Variants in CASKIN1 observed in about 807,000 individuals in gnomAD.
CASKIN1 encodes the protein caskin-1.
CASKIN1 carries 42 observed loss-of-function variants against 117.5 expected under a neutral mutation model. The observed-to-expected ratio is 0.36, with a 90% CI of 0.28 to 0.46. The LOEUF (loss-of-function observed/expected upper bound fraction) is 0.46, where lower values mean the gene tolerates loss of function less well. Ranked by LOEUF, CASKIN1 falls within the 20% of genes least tolerant of loss-of-function variation. The probability of loss-of-function intolerance (pLI) is 1.00; values close to 1 mark genes in which losing one functional copy is unlikely to be tolerated. For missense variants in CASKIN1, 2,083 were observed against 2,077.3 expected, an observed-to-expected ratio of 1.00 and a Z score of -0.05; for synonymous variants, 1,148 against 961.7, an observed-to-expected ratio of 1.19 and a Z score of -3.59.
chr16:2,179,841 G>A lies in CASKIN1; in HGVS notation c.3527C>T (p.Thr1176Ile). ...CTCCGAGGCCGGTCGGCGGCGCACG[G>A]TGCCAGTGCCATTATGGTACACGGA... is the stretch of plus-strand genomic sequence containing the variant. ...PLSVYHNGTG[T>I]VRRRPASEQA... The change falls in exon 18 of 20, where the codon ACC becomes ATC. Residue 1176 changes from threonine to isoleucine, a missense_variant. Thr to Ile is a moderately conservative substitution (Grantham distance 89, BLOSUM62 -1). Around this residue, in one of 3 missense-constraint regions of CASKIN1, gnomAD observed 1,818 missense variants for 1,688.9 expected, o/e 1.08. Coordinates refer to ENST00000343516, the MANE Select transcript of CASKIN1 (RefSeq NM_020764.4). This position sits in a 1 kb window ranked among gnomAD's most constrained non-coding sequence, Gnocchi z 5.8. 1.2e-6 allele frequency: 2 copies of A among 1,603,448 alleles called. No individual in the cohort carries two copies. Among genetic ancestry groups the A allele is most frequent in the East Asian group, 2.3e-5 (1 of 44,372 alleles).
rs980862518 is a variant in CASKIN1, at chr16:2,193,303, C to A, written c.95-2945G>T. On this transcript the variant is annotated intron_variant, in intron 1 of 19. Coordinates refer to ENST00000343516, the MANE Select transcript of CASKIN1 (RefSeq NM_020764.4). The stretch of plus-strand genomic sequence containing the variant: ...AAGTGCTGGGATGACAGGCATGAGC[C>A]ACCATGCCCGGCCTGAAATTCTTAT... Among the ~76,000 whole-genome samples the A allele has an allele frequency of 3.9e-5, 6 of 152,340 alleles. No individual in the cohort carries two copies. The East Asian group carries it at 1.2e-3, about 29-fold the overall frequency.
Position 2,196,295 on chromosome 16 carries a change from G to GGCCCCCGGGGCTCCCACCCGCGCCCC in CASKIN1, c.94+18_94+43dup. 3 of 971,304 alleles carry GGCCCCCGGGGCTCCCACCCGCGCCCC rather than the reference G, an allele frequency of 3.1e-6. No homozygotes were observed. Among genetic ancestry groups the GGCCCCCGGGGCTCCCACCCGCGCCCC allele is most frequent in the Non-Finnish European group, 3.9e-6 (3 of 776,480 alleles). The allele number at this position is 971,304 out of a possible 1,614,324, so 60.2% of individuals were successfully genotyped here. ...GGTGGGGGGCTCCGCGCCGGGGAGGGGCCCCCGGGGCTCCCACCCGCGCCC... is the reference window on the plus strand; with the variant it reads ...GGTGGGGGGCTCCGCGCCGGGGAGGGGCCCCCGGGGCTCCCACCCGCGCCCCGCCCCCGGGGCTCCCACCCGCGCCC... On this transcript the variant is annotated intron_variant, in intron 1 of 19. Coordinates refer to ENST00000343516, the MANE Select transcript of CASKIN1 (RefSeq NM_020764.4). This position sits in a 1 kb window ranked among gnomAD's most constrained non-coding sequence, Gnocchi z 5.7.
In CASKIN1 at chr16:2,189,406, G is replaced by A. The variant is rs767969474; in HGVS notation, c.390+13C>T. 2.6e-5 allele frequency: 42 copies of A among 1,610,248 alleles called. 2 individuals carry two copies. Among genetic ancestry groups the A allele is most frequent in the African/African-American group, 1.7e-4 (13 of 74,790 alleles). On this transcript the variant is annotated intron_variant, in intron 4 of 19. Coordinates refer to ENST00000343516, the MANE Select transcript of CASKIN1 (RefSeq NM_020764.4). ...GCCCCGCCCCCGCTGCCCCGCCCCC[G>A]CTCGGGCCTCACCACATCATAGTGA...
chr16:2,190,295 C>T lies in CASKIN1; in HGVS notation c.146+12G>A. The T allele has an allele frequency of 6.3e-7, 1 of 1,576,408 alleles. No homozygotes were observed. The highest frequency in any genetic ancestry group is 1.1e-5 in the South Asian group (1 of 87,042). ...TCCCTTCCAGGCAGGCACCACCCGGCTCAGAACTCACCCATCCGGGTCCTG... is the reference window on the plus strand; with the variant it reads ...TCCCTTCCAGGCAGGCACCACCCGGTTCAGAACTCACCCATCCGGGTCCTG... On this transcript the variant is annotated intron_variant, in intron 2 of 19. Transcript: ENST00000343516.
At chr16:2,192,896 G>C (rs372301187) in intron 1 of CASKIN1, among the ~76,000 whole-genome samples, 1 of 152,208 alleles carries the variant, frequency 6.6e-6, no homozygotes, top group East Asian at 1.9e-4. Context: ...GGACTGGATC[G>C]ATCTCCTCAT....
chr16:2,196,073 G>A lies in CASKIN1; in HGVS notation c.94+266C>T, dbSNP rs539962438. ...AGGGGGACAGAGGTAGAGAGAGAGG[G>A]ATGCGAACGCCCGCGGCCCGGGAGG... On this transcript the variant is annotated intron_variant, in intron 1 of 19. Coordinates refer to ENST00000343516, the MANE Select transcript of CASKIN1 (RefSeq NM_020764.4). This position sits in a 1 kb window ranked among gnomAD's most constrained non-coding sequence, Gnocchi z 5.7. Among the ~76,000 whole-genome samples the A allele has an allele frequency of 5.9e-5, 9 of 152,234 alleles. No homozygotes were observed. In the East Asian group the frequency reaches 1.7e-3, roughly 30 times the overall value.
At position 2,179,108 on chromosome 16, in the gene CASKIN1, G is replaced by T; in HGVS notation, c.3993C>A (p.Pro1331=). The change falls in exon 19 of 20, where the codon CCC becomes CCA. Residue 1331 remains proline, a synonymous_variant. Coordinates refer to ENST00000343516, the MANE Select transcript of CASKIN1 (RefSeq NM_020764.4). The surrounding 1 kb of genome is among the most constrained non-coding windows in gnomAD (Gnocchi z 5.8). ...CGGGCACGTGCAGCGCGGGCGCGCC[G>T]GGGGACGGGGGCTTGGCGGGGCTGG... ...LGASPAKPPS[P]GAPALHVPAK... 1.0e-6 allele frequency: 1 copy of T among 995,900 alleles called. No homozygotes were observed. Among genetic ancestry groups the T allele is most frequent in the South Asian group, 4.5e-5 (1 of 22,200 alleles). The allele number at this position is 995,900 out of a possible 1,614,324, so 61.7% of individuals were successfully genotyped here.
chr16:2,191,621 C>G (rs904269209), intron 1 of CASKIN1, among the ~76,000 whole-genome samples: 2 of 152,234 alleles, frequency 1.3e-5, no homozygotes, highest in Non-Finnish European at 2.9e-5. Context: ...CTCTCTCCAG[C>G]CAGGGGTTTC....
chr16:2,179,946 A>G lies in CASKIN1; in HGVS notation c.3422T>C (p.Ile1141Thr). The G allele has an allele frequency of 1.2e-6, 2 of 1,606,646 alleles. No individual in the cohort carries two copies. Among genetic ancestry groups the G allele is most frequent in the Non-Finnish European group, 1.7e-6 (2 of 1,177,232 alleles). ...KQNQQENVKF[I>T]LTESDTVKRR... ...CTTGACCGTGTCAGACTCGGTCAGG[A>G]TGAACTTGACGTTCTCCTGCTGGTT... The change falls in exon 18 of 20, where the codon ATC (isoleucine) becomes ACC (threonine). Residue 1141 changes from isoleucine (I) to threonine (T), a missense_variant. Transcript: ENST00000343516. This position sits in a 1 kb window ranked among gnomAD's most constrained non-coding sequence, Gnocchi z 5.8.
At position 2,185,326 on chromosome 16, in the gene CASKIN1, C is replaced by A; in HGVS notation, c.1131G>T (p.Val377=). 4 of 1,601,784 alleles carry A rather than the reference C, an allele frequency of 2.5e-6. No individual in the cohort carries two copies. Among genetic ancestry groups the A allele is most frequent in the Non-Finnish European group, 3.4e-6 (4 of 1,171,478 alleles). ...GCCTACCTGCAAAAGGCTTCCTCAG[C>A]ACCCAGATCTCCTCTGGGGGTGCAG... is the stretch of plus-strand genomic sequence containing the variant. ...GPSAPPEEIW[V]LRKPFAGGDR... Residue 377 remains valine (V), a synonymous_variant, in exon 11 of 20, where the codon GTG becomes GTT. Transcript: ENST00000343516.
At position 2,187,309 on chromosome 16, in the gene CASKIN1, C is replaced by T. The variant is rs1348360886; in HGVS notation, c.727-35G>A. 5 of 1,613,446 alleles carry T rather than the reference C, an allele frequency of 3.1e-6. No homozygotes were observed. The African/African-American group carries it at 4.0e-5, about 13-fold the overall frequency. On this transcript the variant is annotated intron_variant, in intron 7 of 19. Coordinates refer to ENST00000343516, the MANE Select transcript of CASKIN1 (RefSeq NM_020764.4). ...TGAGAGATGAGGCTCTGTCAGGAGC[C>T]CCTACAGTCCACTGGGCCCAGCGCC...
intron 1 of CASKIN1, among the ~76,000 whole-genome samples, chr16:2,195,230 G>C (rs566217222): frequency 6.6e-6 from 1 of 152,342 alleles, no homozygotes; most frequent in East Asian, 1.9e-4. Context: ...CCAGTCATGG[G>C]CTGCTGGTGA....
At position 2,180,594 on chromosome 16, in the gene CASKIN1, C is replaced by A. The variant is rs747947775; in HGVS notation, c.2774G>T (p.Gly925Val). The change falls in exon 18 of 20, where the codon GGT (glycine) becomes GTT (valine). Residue 925 changes from glycine (G) to valine (V), a missense_variant. Transcript: ENST00000343516. ...GRSHSVRAPA[G>V]ADKNVNRSQS... is the part of the protein sequence containing the mutation. Reference sequence around the variant, plus strand: ...GCTGCGGTTGACGTTCTTGTCGGCACCTGCGGGCGCCCTCACTGAGTGGCT... The same window carrying A: ...GCTGCGGTTGACGTTCTTGTCGGCAACTGCGGGCGCCCTCACTGAGTGGCT... 1.1e-5 allele frequency: 18 copies of A among 1,572,902 alleles called. No homozygotes were observed. The highest frequency in any genetic ancestry group is 1.5e-5 in the Non-Finnish European group (18 of 1,166,640).
In CASKIN1 at chr16:2,181,002, TG is replaced by T; in HGVS notation, c.2365del (p.Gln789ArgfsTer16). On this transcript the variant is annotated frameshift_variant, in exon 18 of 20. Coordinates refer to ENST00000343516, the MANE Select transcript of CASKIN1 (RefSeq NM_020764.4). LOFTEE classifies it high-confidence loss of function. ...TPTKTRPGSP[Q>X]ALGGPHGPAP... Reference sequence around the variant, plus strand: ...TGGACCATGAGGTCCCCCAAGGGCCTGGGGAGAGCCTGGTCGGGTTTTGGTG... The same window carrying T: ...TGGACCATGAGGTCCCCCAAGGGCCTGGGAGAGCCTGGTCGGGTTTTGGTG... 2 of 1,483,750 alleles carry T rather than the reference TG, an allele frequency of 1.3e-6. No individual in the cohort carries two copies. The highest frequency in any genetic ancestry group is 8.9e-7 in the Non-Finnish European group (1 of 1,121,648). The allele number at this position is 1,483,750 out of a possible 1,614,324, so 91.9% of individuals were successfully genotyped here.
rs756397498 is a variant in CASKIN1 at position 2,187,053 on chromosome 16, C to G, written c.855G>C (p.Gln285His). The change falls in exon 9 of 20, where the codon CAG becomes CAC. Residue 285 changes from glutamine to histidine, a missense_variant. Around this residue, in one of 3 missense-constraint regions of CASKIN1, gnomAD observed 1,818 missense variants for 1,688.9 expected, o/e 1.08. Coordinates refer to ENST00000343516, the MANE Select transcript of CASKIN1 (RefSeq NM_020764.4). ...QLLREASAALQVRATKDYCNN... is the reference protein window; with the variant it reads ...QLLREASAALHVRATKDYCNN... ...TGCAATAATCCTTGGTCGCCCGGAC[C>G]TGCAGGGCCGCTGAGGCCTCTGGGG... 1 of 1,613,706 alleles carries G rather than the reference C, an allele frequency of 6.2e-7. No homozygotes were observed. Among genetic ancestry groups the G allele is most frequent in the Non-Finnish European group, 8.5e-7 (1 of 1,179,926 alleles).
chr16:2,183,930 G>A lies in CASKIN1; in HGVS notation c.1428C>T (p.Ala476=), dbSNP rs765011533. 2.1e-5 allele frequency: 33 copies of A among 1,602,750 alleles called. No homozygotes were observed. The highest frequency in any genetic ancestry group is 1.7e-4 in the Middle Eastern group (1 of 5,988). The part of the protein sequence containing the change: ...EPASEGKSSE[A]VSQWLTAFQL... ...GGAACGCGGTGAGCCACTGGCTCAC[G>A]GCCTCAGAGCTCTGGAAGACACAAG... Residue 476 remains alanine (A), a synonymous_variant, in exon 15 of 20, where the codon GCC becomes GCT. Transcript: ENST00000343516.
At position 2,190,190 on chromosome 16, in the gene CASKIN1, CAT is replaced by C. The variant is rs752901843; in HGVS notation, c.147-22_147-21del. The C allele has an allele frequency of 5.0e-6, 8 of 1,612,294 alleles. No individual in the cohort carries two copies. The highest frequency in any genetic ancestry group is 6.8e-6 in the Non-Finnish European group (8 of 1,179,574). On this transcript the variant is annotated intron_variant, in intron 2 of 19. Transcript: ENST00000343516. Reference sequence around the variant, plus strand: ...GAGAAGCTGGCACGTGCAGAGGACACATAGAGCAGAGGCCCTGGCGCCCCGGC... The same window carrying C: ...GAGAAGCTGGCACGTGCAGAGGACACAGAGCAGAGGCCCTGGCGCCCCGGC...
chr16:2,182,841 A>G lies in CASKIN1; in HGVS notation c.1629+805T>C, dbSNP rs1229906562. On this transcript the variant is annotated intron_variant, in intron 16 of 19. Transcript: ENST00000343516. This position sits in a 1 kb window ranked among gnomAD's most constrained non-coding sequence, Gnocchi z 4.1. Reference sequence around the variant, plus strand: ...AGCCTCGCTCTGTCGCCCAGGCTGGAGTGCAGTGGCGCAATCTCGGCTCAC... The same window carrying G: ...AGCCTCGCTCTGTCGCCCAGGCTGGGGTGCAGTGGCGCAATCTCGGCTCAC... 6.6e-6 allele frequency among the ~76,000 whole-genome samples: 1 copy of G among 152,216 alleles called. No individual in the cohort carries two copies. The highest frequency in any genetic ancestry group is 1.5e-5 in the Non-Finnish European group (1 of 68,034).
At chr16:2,189,991 G>A (rs2093196535) in intron 3 of CASKIN1, 82 bp downstream of exon 3, 2 of 1,322,860 alleles carry the variant, frequency 1.5e-6, no homozygotes, top group Admixed American at 3.8e-5. Context: ...TGAGACCTCA[G>A]CCAAGGATCC....
Sources: allele counts gnomAD v4.1 joint callset (sites outside exome capture counted in the v4.1 genomes callset), GRCh38; gene constraint gnomAD v4.1.1; regional missense constraint gnomAD v4.1.1; non-coding constraint Gnocchi (gnomAD v3.1); transcripts MANE v1.5; gene names NCBI Gene and HGNC (gene_info 2026-07-23, HGNC 2026-07-21).